The following DAB1 variants were observed in gnomAD, a reference collection of about 807,000 sequenced individuals.
DAB1 encodes disabled homolog 1.
In DAB1, 15 loss-of-function variants were observed where a neutral mutation model predicts 64.6. The ratio of observed to expected loss-of-function variants is 0.23; its 90% CI spans 0.16 to 0.36. The LOEUF (loss-of-function observed/expected upper bound fraction) is 0.36. Ranked by LOEUF, DAB1 falls within the 10% of genes least tolerant of loss-of-function variation. DAB1 has a pLI of 1.00. For synonymous variants in DAB1, 235 were observed against 251.9 expected, an observed-to-expected ratio of 0.93 and a Z score of 0.64; for missense variants, 596 against 706.7, an observed-to-expected ratio of 0.84 and a Z score of 1.78.
At position 57,331,554 on chromosome 1, in the gene DAB1, TG is replaced by T. The variant is rs368835079; in HGVS notation, c.-136-40389del. Among the ~76,000 whole-genome samples the T allele has an allele frequency of 2.3e-4, 35 of 152,316 alleles. No homozygotes were observed. In the East Asian group the frequency reaches 3.3e-3, roughly 14 times the overall value. ...AGCCTAGCTCACTCAACATCTCTCCTGACACCCTTCTCTTTAACCTTTGCCT... is the reference window on the plus strand; with the variant it reads ...AGCCTAGCTCACTCAACATCTCTCCTACACCCTTCTCTTTAACCTTTGCCT... On this transcript the variant is annotated intron_variant, in intron 1 of 14. Transcript: ENST00000371236.
At chr1:57,527,776 G>A (rs1193596247) in intron 7 of DAB1, among the ~76,000 whole-genome samples, 1 of 152,094 alleles carries the variant, frequency 6.6e-6, no homozygotes, top group Non-Finnish European at 1.5e-5. Context: ...AGTTGATAGA[G>A]AAGGTCAGTT....
chr1:57,606,529 A>AAATACATAATATAATATATTATATAT (rs1558535223), intron 7 of DAB1, among the ~76,000 whole-genome samples: 6 of 88,588 alleles, frequency 6.8e-5, no homozygotes, highest in African/African-American at 2.3e-4. Flanking sequence ...ATAATATATA[A>AAATACATAATATAATATATTATATAT]TATATATGAA....
chr1:58,431,424 G>T (rs1364083622), intron 3 of DAB1, among the ~76,000 whole-genome samples: 2 of 151,988 alleles, frequency 1.3e-5, no homozygotes, highest in Admixed American at 6.6e-5. Flanking sequence ...CGGGCGTGGT[G>T]GTGGGCGCCT....
rs1160024104 is a variant in DAB1, at chr1:57,162,958, G to A, written c.68-17529C>T. 2.0e-5 allele frequency among the ~76,000 whole-genome samples: 3 copies of A among 152,332 alleles called. No individual in the cohort carries two copies. In the East Asian group the frequency reaches 5.8e-4, roughly 29 times the overall value. ...GTGCTGGAAGAGACAGTGACTAAGT[G>A]TCCCCACCCGACAGTTGTTCCTAAT... is the stretch of plus-strand genomic sequence containing the variant. On this transcript the variant is annotated intron_variant, in intron 2 of 14. Coordinates refer to ENST00000371236, the MANE Select transcript of DAB1 (RefSeq NM_001365792.1).
chr1:58,544,877 A>T (rs190091651), intron 1 of DAB1, among the ~76,000 whole-genome samples: 117 of 152,306 alleles, frequency 7.7e-4, no homozygotes, highest in African/African-American at 2.6e-3. Flanking sequence ...TATAGGCCTG[A>T]GCCACCGCAC....
intron 4 of DAB1, among the ~76,000 whole-genome samples, chr1:58,274,725 C>G (rs1661393207): frequency 6.6e-6 from 1 of 152,188 alleles, no homozygotes; most frequent in African/African-American, 2.4e-5. Flanking sequence ...GCTTTTTAAG[C>G]CGGTCTGAAA....
intron 3 of DAB1, among the ~76,000 whole-genome samples, chr1:58,370,073 G>A (rs1644250566): frequency 6.6e-6 from 1 of 152,154 alleles, no homozygotes; most frequent in Non-Finnish European, 1.5e-5. Context: ...ATATGCCTCA[G>A]GCAAATATTG....
At position 57,940,874 on chromosome 1, in the gene DAB1, T is replaced by C. The variant is rs527315171; in HGVS notation, n.388-56712A>G. Among the ~76,000 whole-genome samples, 10 of 152,224 alleles carry C rather than the reference T, an allele frequency of 6.6e-5. No individual in the cohort carries two copies. In the South Asian group the frequency reaches 2.1e-3, roughly 32 times the overall value. On this transcript the variant is annotated intron_variant and non_coding_transcript_variant, in intron 5 of 20. Coordinates refer to the DAB1 transcript ENST00000485760. ...AAATGGTAGCTTTTCATTACTCCAG[T>C]GATATGTTTAGGCACTGTGGAATCC...
At chr1:58,504,893 A>T (rs1478910904) in intron 3 of DAB1, among the ~76,000 whole-genome samples, 1 of 151,704 alleles carries the variant, frequency 6.6e-6, no homozygotes, top group Admixed American at 6.6e-5. Flanking sequence ...ATCTAGCATC[A>T]TTTCTTTCTT....
At chr1:57,661,021 T>A (rs538180345) in intron 6 of DAB1, among the ~76,000 whole-genome samples, 2 of 152,122 alleles carry the variant, frequency 1.3e-5, no homozygotes, top group Admixed American at 1.3e-4. Flanking sequence ...AACGAATAAT[T>A]CAACTCAAGT....
intron 3 of DAB1, among the ~76,000 whole-genome samples, chr1:58,369,320 G>A (rs1644244558): frequency 6.6e-6 from 1 of 152,060 alleles, no homozygotes; most frequent in African/African-American, 2.4e-5. Flanking sequence ...AAAAAACTAA[G>A]ATAATACCAT....
At chr1:58,040,721 C>T (rs951884651) in intron 5 of DAB1, among the ~76,000 whole-genome samples, 2 of 152,164 alleles carry the variant, frequency 1.3e-5, no homozygotes, top group Non-Finnish European at 2.9e-5. Flanking sequence ...TTTGAATGTA[C>T]AGAAACTGCA....
At chr1:57,229,192 T>C (rs909882952) in intron 2 of DAB1, among the ~76,000 whole-genome samples, 2 of 147,832 alleles carry the variant, frequency 1.4e-5, no homozygotes, top group Non-Finnish European at 2.9e-5. Flanking sequence ...TTTCACTTCT[T>C]CTTCTTTTTT....
intron 7 of DAB1, among the ~76,000 whole-genome samples, chr1:57,548,904 CATA>C (rs1294256020): frequency 1.3e-5 from 2 of 152,184 alleles, no homozygotes; most frequent in African/African-American, 2.4e-5. Flanking sequence ...AGTTAATCCT[CATA>C]ATAACACAAT....
chr1:57,271,566 C>A (rs1200517511), intron 2 of DAB1, among the ~76,000 whole-genome samples: 2 of 152,176 alleles, frequency 1.3e-5, no homozygotes, highest in African/African-American at 2.4e-5. Flanking sequence ...AGAACTGGTT[C>A]CCATCCCTGC....
At chr1:58,394,630 CATT>C (rs1393578907) in intron 3 of DAB1, among the ~76,000 whole-genome samples, 14 of 152,070 alleles carry the variant, frequency 9.2e-5, no homozygotes, top group African/African-American at 3.4e-4. Flanking sequence ...GTCACAGAAA[CATT>C]ATGTTAAGTG....
At chr1:57,547,902 T>C (rs1304293966) in intron 7 of DAB1, among the ~76,000 whole-genome samples, 3 of 152,170 alleles carry the variant, frequency 2.0e-5, no homozygotes, top group African/African-American at 7.2e-5. Context: ...TTTATTCTGT[T>C]GTCCCAACAA....
intron 7 of DAB1, among the ~76,000 whole-genome samples, chr1:57,494,344 C>A (rs1257912262): frequency 1.3e-5 from 2 of 152,018 alleles, no homozygotes; most frequent in Non-Finnish European, 2.9e-5. Flanking sequence ...AAATATTAAG[C>A]CTTTATAACA....
intron 1 of DAB1, among the ~76,000 whole-genome samples, chr1:57,341,539 T>G (rs371873117): frequency 4.9e-4 from 74 of 152,318 alleles, no homozygotes; most frequent in African/African-American, 1.8e-3. Context: ...CCCCCTGAAT[T>G]TGGGTTTTTA....
Sources: gnomAD v4.1 joint callset for allele counts (sites outside exome capture counted in the v4.1 genomes callset) on GRCh38, gnomAD v4.1.1 for gene constraint, MANE v1.5 for transcripts, NCBI Gene and HGNC (gene_info 2026-07-23, HGNC 2026-07-21) for gene names.